Variants in MECOM observed in about 807,000 individuals in gnomAD.
The protein encoded by MECOM is histone-lysine N-methyltransferase MECOM.
MECOM carries 13 observed loss-of-function variants against 116.3 expected under a neutral mutation model. That is an observed-to-expected ratio of 0.11 (90% CI 0.07 to 0.18). The LOEUF is 0.18. MECOM is among the 10% of genes least tolerant of loss of function. MECOM has a pLI of 1.00. For synonymous variants in MECOM, 528 were observed against 535.2 expected (o/e 0.99, Z 0.19); for missense variants, 1,299 against 1,509.0 (o/e 0.86, Z 2.31).
intron 2 of MECOM, among the ~76,000 whole-genome samples, chr3:169,228,824 G>A (rs1333266442): frequency 6.6e-6 from 1 of 152,130 alleles, no homozygotes; most frequent in Non-Finnish European, 1.5e-5. Flanking sequence ...GGATACAATA[G>A]TCTGCAGTTT....
At chr3:169,093,433 C>T (rs915659943) in intron 13 of MECOM, among the ~76,000 whole-genome samples, 1 of 152,128 alleles carries the variant, frequency 6.6e-6, no homozygotes, top group Non-Finnish European at 1.5e-5. Flanking sequence ...AAATTATGAA[C>T]AAGTTTTAAA....
At chr3:169,483,202 ATTTTTT>A (rs200735642) in intron 1 of MECOM, among the ~76,000 whole-genome samples, 10,599 of 103,060 alleles carry the variant, frequency 0.1, 715 homozygotes, top group East Asian at 0.32. Flanking sequence ...TTTTATTTTT[ATTTTTT>A]TTTTTTTTTT....
chr3:169,238,178 AAAAAAAAAAAAAG>A (rs1311011207), intron 2 of MECOM, among the ~76,000 whole-genome samples: 2 of 151,106 alleles, frequency 1.3e-5, no homozygotes, highest in African/African-American at 4.9e-5. Context: ...CCATCTCAAA[AAAAAAAAAAAAAG>A]AAAAAAGAAA....
chr3:169,518,219 A>C (rs1756910450), intron 1 of MECOM, among the ~76,000 whole-genome samples: 1 of 151,932 alleles, frequency 6.6e-6, no homozygotes, highest in South Asian at 2.1e-4. Context: ...AGATCGCACC[A>C]CTGCACTCCA....
intron 1 of MECOM, chr3:169,613,577 G>C (rs1769552685): frequency 6.6e-6 from 1 of 152,142 alleles, no homozygotes; most frequent in South Asian, 2.1e-4. Flanking sequence ...TCTAACCATG[G>C]GGGCCCAGGT....
intron 2 of MECOM, among the ~76,000 whole-genome samples, chr3:169,172,524 C>T (rs922924670): frequency 2.0e-5 from 3 of 151,612 alleles, no homozygotes; most frequent in Non-Finnish European, 2.9e-5. Context: ...CAAATCACAG[C>T]TGTAATTTTA....
chr3:169,485,736 T>A (rs1184538278), intron 1 of MECOM, among the ~76,000 whole-genome samples: 1 of 151,038 alleles, frequency 6.6e-6, no homozygotes, highest in Non-Finnish European at 1.5e-5. Flanking sequence ...AAAAGGCAAT[T>A]TGGCAACGAA....
At chr3:169,453,460 G>A (rs931896377) in intron 1 of MECOM, among the ~76,000 whole-genome samples, 8 of 152,178 alleles carry the variant, frequency 5.3e-5, no homozygotes, top group Admixed American at 6.5e-5. Flanking sequence ...CCTATCTCCC[G>A]CCACAGCCTT....
intron 1 of MECOM, among the ~76,000 whole-genome samples, chr3:169,520,886 C>T (rs1757268005): frequency 6.6e-6 from 1 of 152,196 alleles, no homozygotes; most frequent in Non-Finnish European, 1.5e-5. Context: ...AATTGCATGG[C>T]TGTGGCCAGA....
At chr3:169,584,477 A>G (rs1413015209) in intron 1 of MECOM, among the ~76,000 whole-genome samples, 15 of 151,766 alleles carry the variant, frequency 9.9e-5, no homozygotes, top group Admixed American at 9.2e-4. Context: ...AGGCAGGAGA[A>G]TGGCGTGAAC....
At chr3:169,223,807 A>G (rs148822963) in intron 2 of MECOM, among the ~76,000 whole-genome samples, 108 of 152,308 alleles carry the variant, frequency 7.1e-4, no homozygotes, top group African/African-American at 2.5e-3. Flanking sequence ...TGAAAGTCAG[A>G]AACTCCATCT....
chr3:169,295,169 C>T (rs1715357661), intron 2 of MECOM, among the ~76,000 whole-genome samples: 1 of 152,130 alleles, frequency 6.6e-6, no homozygotes, highest in Non-Finnish European at 1.5e-5. Context: ...AACCTCCTGT[C>T]CCACTTTCAC....
At chr3:169,417,339 C>CA (rs1204459678) in intron 1 of MECOM, among the ~76,000 whole-genome samples, 2 of 150,456 alleles carry the variant, frequency 1.3e-5, no homozygotes, top group African/African-American at 4.9e-5. Context: ...TTTATGCAGC[C>CA]AAAAAACACA....
At chr3:169,086,749 G>T (rs1717885617) in intron 16 of MECOM, among the ~76,000 whole-genome samples, 2 of 152,158 alleles carry the variant, frequency 1.3e-5, no homozygotes, top group Admixed American at 6.5e-5. Flanking sequence ...CATGCAAAAT[G>T]CAGCTACTAT....
At chr3:169,214,807 A>G (rs1170191602) in intron 2 of MECOM, among the ~76,000 whole-genome samples, 1 of 148,760 alleles carries the variant, frequency 6.7e-6, no homozygotes, top group Non-Finnish European at 1.5e-5. Context: ...ACAGGATTAT[A>G]TATTTATATA....
intron 2 of MECOM, among the ~76,000 whole-genome samples, chr3:169,179,386 C>G (rs376483378): frequency 4.6e-5 from 7 of 152,154 alleles, no homozygotes; most frequent in African/African-American, 1.7e-4. Context: ...TAATTAAACT[C>G]AAGTTGTCTA....
At chr3:169,125,819 T>C (rs1225472766) in intron 5 of MECOM, among the ~76,000 whole-genome samples, 1 of 152,158 alleles carries the variant, frequency 6.6e-6, no homozygotes, top group African/African-American at 2.4e-5. Context: ...CCTTTGTTTC[T>C]TTCTTGCTCC....
chr3:169,545,705 G>A (rs370281477), intron 1 of MECOM, among the ~76,000 whole-genome samples: 2 of 152,148 alleles, frequency 1.3e-5, no homozygotes, highest in East Asian at 1.9e-4. Flanking sequence ...TCTGACATGA[G>A]TGCCACTCTG....
chr3:169,472,109 C>T (rs1006507405), intron 1 of MECOM, among the ~76,000 whole-genome samples: 1 of 151,812 alleles, frequency 6.6e-6, no homozygotes, highest in Non-Finnish European at 1.5e-5. Flanking sequence ...CCCCATTTAC[C>T]CTATAGTGCT....
Sources: gnomAD v4.1 joint callset for allele counts (sites outside exome capture counted in the v4.1 genomes callset) on GRCh38, gnomAD v4.1.1 for gene constraint, MANE v1.5 for transcripts, NCBI Gene and HGNC (gene_info 2026-07-23, HGNC 2026-07-21) for gene names.